GTF2B: variants seen among roughly 807,000 people sequenced by gnomAD.
GTF2B encodes the protein general transcription factor IIB, also known as transcription initiation factor IIB.
GTF2B carries 20 observed loss-of-function variants against 34.6 expected under a neutral mutation model. The ratio of observed to expected loss-of-function variants is 0.58; its 90% confidence interval spans 0.41 to 0.84. The LOEUF (loss-of-function observed/expected upper bound fraction) is 0.84, where lower values mean the gene tolerates loss of function less well. GTF2B is among the 40% of genes least tolerant of loss of function. The pLI is 0.00. For missense variants in GTF2B, 237 were observed against 393.3 expected (o/e 0.60, Z 3.36); for synonymous variants, 142 against 132.4 (o/e 1.07, Z -0.50).
In GTF2B at chr1:88,887,321, T is replaced by A. The variant is rs1371758655; in HGVS notation, c.64A>T (p.Ile22Phe). Residue 22 changes from isoleucine (I) to phenylalanine (F), a missense_variant, in exon 2 of 7, where the codon ATT becomes TTT. This residue lies in a region of GTF2B where 130 missense variants were observed against 170.9 expected (regional missense o/e 0.76). Transcript: ENST00000370500. ...RVTCPNHPDA[I>F]LVEDYRAGDM... ...CCGGCTCTGTAGTCCTCCACTAAAA[T>A]CGCATCTGGATGGTTTGGACATGTG... The A allele has an allele frequency of 6.2e-7, 1 of 1,613,298 alleles. No individual in the cohort carries two copies. The highest frequency in any genetic ancestry group is 1.7e-5 in the Admixed American group (1 of 60,002).
At chr1:88,871,835 A>G (rs1211140054) in intron 2 of GTF2B, among the ~76,000 whole-genome samples, 3 of 152,122 alleles carry the variant, frequency 2.0e-5, no homozygotes, top group Admixed American at 6.5e-5. Flanking sequence ...AGGTTCAAGC[A>G]ATTCTCCTAA....
chr1:88,881,665 A>G (rs1570734850), intron 2 of GTF2B, among the ~76,000 whole-genome samples: 1 of 152,208 alleles, frequency 6.6e-6, no homozygotes, highest in South Asian at 2.1e-4. Flanking sequence ...AGCCTACCGT[A>G]TATTTTAAAA....
intron 2 of GTF2B, among the ~76,000 whole-genome samples, chr1:88,865,638 T>C (rs1015689551): frequency 6.6e-6 from 1 of 152,094 alleles, no homozygotes; most frequent in African/African-American, 2.4e-5. Flanking sequence ...GGCTGTCACC[T>C]GGTTGGGAAT....
At chr1:88,886,005 C>G (rs1238399738) in intron 2 of GTF2B, among the ~76,000 whole-genome samples, 1 of 152,110 alleles carries the variant, frequency 6.6e-6, no homozygotes, top group African/African-American at 2.4e-5. Flanking sequence ...GTTTCCTTAT[C>G]TGTAAAATGA....
chr1:88,888,900 G>C (rs1200640060), intron 1 of GTF2B, among the ~76,000 whole-genome samples: 4 of 152,190 alleles, frequency 2.6e-5, no homozygotes, highest in Admixed American at 2.6e-4. Flanking sequence ...GAATGACTGA[G>C]GACAGAGACT....
intron 2 of GTF2B, among the ~76,000 whole-genome samples, chr1:88,879,874 G>C (rs1240064626): frequency 6.6e-6 from 1 of 151,972 alleles, no homozygotes; most frequent in Non-Finnish European, 1.5e-5. Flanking sequence ...TGGGCAACAT[G>C]GTGAAACCCC....
chr1:88,880,847 A>C (rs1401423596), intron 2 of GTF2B, among the ~76,000 whole-genome samples: 1 of 152,014 alleles, frequency 6.6e-6, no homozygotes, highest in Non-Finnish European at 1.5e-5. Context: ...CGTCTTTCCT[A>C]AAATAACAAA....
At chr1:88,891,266 A>C (rs1405515760) in intron 1 of GTF2B, among the ~76,000 whole-genome samples, 4 of 151,780 alleles carry the variant, frequency 2.6e-5, no homozygotes. Flanking sequence ...TCTACATAAG[A>C]CTCCAGGGCA....
At chr1:88,864,428 C>T (rs574441499) in intron 2 of GTF2B, among the ~76,000 whole-genome samples, 1 of 152,046 alleles carries the variant, frequency 6.6e-6, no homozygotes, top group Admixed American at 6.6e-5. Flanking sequence ...TGATTAAGAA[C>T]CAGATTTTGC....
At position 88,853,339 on chromosome 1, in the gene GTF2B, T is replaced by C; in HGVS notation, c.825A>G (p.Gly275=). The C allele has an allele frequency of 6.2e-7, 1 of 1,612,310 alleles. No homozygotes were observed. The highest frequency in any genetic ancestry group is 8.5e-7 in the Non-Finnish European group (1 of 1,178,518). ...SAEKRTQKEI[G]DIAGVADVTI... is the part of the protein sequence containing the mutation. ...TAACATCAGCAACACCAGCAATATC[T>C]CCAATTTCTAAAAGACAAAAATCGA... The change falls in exon 7 of 7, where the codon GGA becomes GGG. Residue 275 remains glycine (G), a synonymous_variant. Transcript: ENST00000370500.
At chr1:88,881,954 G>T (rs1014623528) in intron 2 of GTF2B, among the ~76,000 whole-genome samples, 1 of 152,114 alleles carries the variant, frequency 6.6e-6, no homozygotes, top group Admixed American at 6.6e-5. Context: ...CCACTGTCTT[G>T]CTGGTTAAAG....
Position 88,853,132 on chromosome 1 carries a change from A to AAACAT in GTF2B, c.*80_*81insATGTT, listed in dbSNP as rs1206554669. On this transcript the variant is annotated 3_prime_UTR_variant, in exon 7 of 7. Coordinates refer to ENST00000370500, the MANE Select transcript of GTF2B (RefSeq NM_001514.6). Reference sequence around the variant, plus strand: ...CATGTCTTTTGTTTTTCCTCATGAAAGGCTCAACCCAGCATTTTGTATAGG... The same window carrying AAACAT: ...CATGTCTTTTGTTTTTCCTCATGAAAAACATGGCTCAACCCAGCATTTTGTATAGG... The AAACAT allele has an allele frequency of 3.4e-5, 44 of 1,304,246 alleles. No homozygotes were observed. In the African/African-American group the frequency reaches 5.7e-4, roughly 17 times the overall value. The allele number at this position is 1,304,246 out of a possible 1,614,324, so 80.8% of individuals were successfully genotyped here.
rs1479606852 is a variant in GTF2B at position 88,891,562 on chromosome 1, T to A, written c.-63A>T. Reference sequence around the variant, plus strand: ...AGACACACCGAAAGCAGGAAGCGAATGTGGCGAAGAGACGCGCAGAGATGA... The same window carrying A: ...AGACACACCGAAAGCAGGAAGCGAAAGTGGCGAAGAGACGCGCAGAGATGA... On this transcript the variant is annotated 5_prime_UTR_variant, in exon 1 of 7. Transcript: ENST00000370500. 7.4e-6 allele frequency: 11 copies of A among 1,487,828 alleles called. No individual in the cohort carries two copies. The highest frequency in any genetic ancestry group is 1.0e-5 in the Non-Finnish European group (11 of 1,080,112). The allele number at this position is 1,487,828 out of a possible 1,614,324, so 92.2% of individuals were successfully genotyped here.
At chr1:88,861,616 A>G (rs1673442933) in intron 3 of GTF2B, among the ~76,000 whole-genome samples, 1 of 152,214 alleles carries the variant, frequency 6.6e-6, no homozygotes, top group South Asian at 2.1e-4. Context: ...GTGAGCAGAG[A>G]TCGTGCCATT....
At chr1:88,872,461 A>T (rs1167585909) in intron 2 of GTF2B, among the ~76,000 whole-genome samples, 7 of 125,336 alleles carry the variant, frequency 5.6e-5, no homozygotes, top group African/African-American at 3.1e-4. Flanking sequence ...TCAATAAAAA[A>T]AAAAAAAAAA....
intron 2 of GTF2B, among the ~76,000 whole-genome samples, chr1:88,882,068 G>A (rs1673958578): frequency 6.6e-6 from 1 of 152,022 alleles, no homozygotes; most frequent in Non-Finnish European, 1.5e-5. Flanking sequence ...TCAGAACGCT[G>A]GGAGGTCGAG....
chr1:88,862,931 A>G (rs951664406), intron 3 of GTF2B, among the ~76,000 whole-genome samples: 1 of 151,952 alleles, frequency 6.6e-6, no homozygotes, highest in Non-Finnish European at 1.5e-5. Flanking sequence ...CACTGTGCCC[A>G]GCCAGACAGA....
intron 2 of GTF2B, among the ~76,000 whole-genome samples, chr1:88,872,440 G>A (rs1673715524): frequency 1.3e-5 from 1 of 78,524 alleles, no homozygotes; most frequent in African/African-American, 4.5e-5. Context: ...CAACAAGAGT[G>A]AAACTCCATC....
Position 88,869,771 on chromosome 1 carries a change from C to A in GTF2B, c.125-5657G>T, listed in dbSNP as rs141911713. Among the ~76,000 whole-genome samples, 19 of 152,168 alleles carry A rather than the reference C, an allele frequency of 1.2e-4. 1 individual carries two copies. In the South Asian group the frequency reaches 3.9e-3, roughly 32 times the overall value. On this transcript the variant is annotated intron_variant, in intron 2 of 6. Coordinates refer to ENST00000370500, the MANE Select transcript of GTF2B (RefSeq NM_001514.6). ...GCTTCCAAGTAGCTGGGATTACAGG[C>A]GCCTGCCACCACGTCTGACTAATTT...
Sources: allele counts gnomAD v4.1 joint callset (sites outside exome capture counted in the v4.1 genomes callset), GRCh38; gene constraint gnomAD v4.1.1; regional missense constraint gnomAD v4.1.1; transcripts MANE v1.5; gene names NCBI Gene and HGNC (gene_info 2026-07-23, HGNC 2026-07-21).